Variants in ZFAT observed in about 807,000 individuals in gnomAD.
ZFAT encodes the protein zinc finger and AT-hook domain containing.
In ZFAT, 64 loss-of-function variants were observed where a neutral mutation model predicts 117.7. The observed-to-expected ratio is 0.54, with a 90% CI of 0.44 to 0.67. ZFAT has a LOEUF of 0.67. Ranked by LOEUF, ZFAT falls within the 30% of genes least tolerant of loss-of-function variation. The probability of loss-of-function intolerance (pLI) is 0.00; values close to 1 mark genes in which losing one functional copy is unlikely to be tolerated. For synonymous variants in ZFAT, 679 were observed against 615.0 expected (o/e 1.10, Z -1.54); for missense variants, 1,433 against 1,584.5 (o/e 0.90, Z 1.62).
At chr8:134,832,043 G>A in the ZFAT span, among the ~76,000 whole-genome samples, 1 of 149,252 alleles carries the variant, frequency 6.7e-6, no homozygotes, top group African/African-American at 2.4e-5. Flanking sequence ...CCACCCTCCC[G>A]CTCCCAGCGC....
At chr8:134,504,766 C>T (rs983388140) in intron 15 of ZFAT, among the ~76,000 whole-genome samples, 16 of 152,288 alleles carry the variant, frequency 1.1e-4, no homozygotes, top group African/African-American at 3.4e-4. Context: ...GAGATACTTC[C>T]GAGACTTGGA....
At chr8:134,769,745 C>G in the ZFAT span, among the ~76,000 whole-genome samples, 24 of 152,232 alleles carry the variant, frequency 1.6e-4, no homozygotes, top group Non-Finnish European at 3.1e-4. Context: ...CGCCTCCCCC[C>G]ATCCCCCACC....
At chr8:134,573,812 A>G (rs975637506) in intron 10 of ZFAT, among the ~76,000 whole-genome samples, 1 of 152,192 alleles carries the variant, frequency 6.6e-6, no homozygotes, top group East Asian at 1.9e-4. Flanking sequence ...TGACTGATGA[A>G]GCAAAGCTGA....
At chr8:134,516,659 A>T (rs565404095) in intron 13 of ZFAT, among the ~76,000 whole-genome samples, 1 of 152,110 alleles carries the variant, frequency 6.6e-6, no homozygotes, top group African/African-American at 2.4e-5. Context: ...ACAAAGAGAA[A>T]TCCTGTCTCT....
intron 15 of ZFAT, among the ~76,000 whole-genome samples, chr8:134,494,989 A>C (rs1190443254): frequency 1.3e-5 from 2 of 152,186 alleles, no homozygotes; most frequent in Non-Finnish European, 2.9e-5. Flanking sequence ...CTCTCAGAGT[A>C]GGAAGATCTA....
the ZFAT span, among the ~76,000 whole-genome samples, chr8:134,806,047 A>G: frequency 4.6e-5 from 7 of 152,178 alleles, no homozygotes; most frequent in African/African-American, 1.4e-4. Flanking sequence ...AACTATGAAA[A>G]CAATTAAAGT....
chr8:134,745,747 T>TTACC, the ZFAT span, among the ~76,000 whole-genome samples: 1 of 152,188 alleles, frequency 6.6e-6, no homozygotes. Flanking sequence ...TCCTCAAGGG[T>TTACC]TACCAATAAT....
the ZFAT span, among the ~76,000 whole-genome samples, chr8:134,730,478 C>T: frequency 2.6e-5 from 4 of 152,210 alleles, no homozygotes; most frequent in African/African-American, 9.7e-5. Context: ...TCCCATCATC[C>T]TGGATTCCTA....
intron 1 of ZFAT, chr8:134,674,623 C>T (rs1363652380): frequency 1.9e-5 from 3 of 154,852 alleles, no homozygotes; most frequent in Non-Finnish European, 4.3e-5. Context: ...CCCAGAATGG[C>T]GTTTGAACTC....
chr8:134,499,990 T>A (rs538554000), intron 15 of ZFAT, among the ~76,000 whole-genome samples: 1 of 152,306 alleles, frequency 6.6e-6, no homozygotes, highest in Admixed American at 6.5e-5. Flanking sequence ...GAGACTACTG[T>A]TCTGGTGGGA....
chr8:134,527,327 T>C (rs916286646), intron 12 of ZFAT, among the ~76,000 whole-genome samples: 2 of 152,222 alleles, frequency 1.3e-5, no homozygotes, highest in East Asian at 3.8e-4. Context: ...AACTGTGTTG[T>C]TTTAATCCAC....
intron 11 of ZFAT, among the ~76,000 whole-genome samples, chr8:134,548,406 G>C (rs1822863569): frequency 6.6e-6 from 1 of 152,164 alleles, no homozygotes; most frequent in Non-Finnish European, 1.5e-5. Context: ...CACGGAGATG[G>C]AGTGGGACAC....
intron 1 of ZFAT, among the ~76,000 whole-genome samples, chr8:134,679,403 C>G (rs1439912043): frequency 1.3e-5 from 2 of 152,182 alleles, no homozygotes; most frequent in African/African-American, 4.8e-5. Context: ...CATCTCGCAC[C>G]AGTTAGAATG....
intron 11 of ZFAT, among the ~76,000 whole-genome samples, chr8:134,549,673 G>C (rs776219590): frequency 6.6e-6 from 1 of 152,158 alleles, no homozygotes; most frequent in Non-Finnish European, 1.5e-5. Context: ...TAAATTACAA[G>C]ATACATGGTG....
At chr8:134,623,540 C>A (rs1405435063) in intron 3 of ZFAT, among the ~76,000 whole-genome samples, 3 of 152,184 alleles carry the variant, frequency 2.0e-5, no homozygotes, top group African/African-American at 4.8e-5. Flanking sequence ...AGGGATGCCA[C>A]CATTCACCCT....
chr8:134,545,402 C>T (rs1207374742), intron 11 of ZFAT, among the ~76,000 whole-genome samples: 2 of 151,920 alleles, frequency 1.3e-5, no homozygotes, highest in Admixed American at 6.6e-5. Context: ...TCCTGGTAGT[C>T]CCAGCTAGTC....
the ZFAT span, among the ~76,000 whole-genome samples, chr8:134,831,308 G>A: frequency 2.7e-4 from 41 of 152,350 alleles, no homozygotes; most frequent in Admixed American, 1.0e-3. Context: ...TTTCCTGCAT[G>A]CACAAGTGAA....
chr8:134,636,920 C>T (rs918770434), intron 3 of ZFAT, among the ~76,000 whole-genome samples: 2 of 152,220 alleles, frequency 1.3e-5, no homozygotes, highest in African/African-American at 4.8e-5. Flanking sequence ...CAAGAATGCC[C>T]ACTGAAATCT....
At chr8:134,753,069 T>C in the ZFAT span, among the ~76,000 whole-genome samples, 1 of 152,168 alleles carries the variant, frequency 6.6e-6, no homozygotes, top group African/African-American at 2.4e-5. Context: ...AGGTATTCTC[T>C]GTGTAAAAAA....
Sources: allele counts gnomAD v4.1 joint callset (sites outside exome capture counted in the v4.1 genomes callset), GRCh38; gene constraint gnomAD v4.1.1; transcripts MANE v1.5; gene names NCBI Gene and HGNC (gene_info 2026-07-23, HGNC 2026-07-21).